The following DLG2 variants were observed in gnomAD, a reference collection of about 807,000 sequenced individuals.
DLG2 encodes the protein disks large homolog 2.
DLG2 carries 45 observed loss-of-function variants against 132.5 expected under a neutral mutation model. The observed-to-expected ratio is 0.34, with a 90% CI of 0.27 to 0.44. The LOEUF (loss-of-function observed/expected upper bound fraction) is 0.44, where lower values mean the gene tolerates loss of function less well. Ranked by LOEUF, DLG2 falls within the 20% of genes least tolerant of loss-of-function variation. The pLI is 1.00. For synonymous variants in DLG2, 424 were observed against 419.6 expected, an observed-to-expected ratio of 1.01 and a Z score of -0.13; for missense variants, 1,045 against 1,196.9, an observed-to-expected ratio of 0.87 and a Z score of 1.87.
chr11:84,111,697 G>T (rs1477037331), intron 9 of DLG2, among the ~76,000 whole-genome samples: 1 of 152,144 alleles, frequency 6.6e-6, no homozygotes, highest in Non-Finnish European at 1.5e-5. Context: ...GTTCAACATT[G>T]TGTCAAATTC....
Position 84,838,402 on chromosome 11 carries a change from G to GAA in DLG2, c.357+273257_357+273258dup, listed in dbSNP as rs5793141. On this transcript the variant is annotated intron_variant, in intron 6 of 27. Coordinates refer to ENST00000376104, the MANE Select transcript of DLG2 (RefSeq NM_001142699.3). ...GAAGCACAAGACAGATTGAATGACTGAAAAAAAAAAGGAGGATGCCATGTT... is the reference window on the plus strand; with the variant it reads ...GAAGCACAAGACAGATTGAATGACTGAAAAAAAAAAAAGGAGGATGCCATGTT... Among the ~76,000 whole-genome samples the GAA allele has an allele frequency of 9.0e-4, 134 of 148,800 alleles. 1 individual carries two copies. Among genetic ancestry groups the GAA allele is most frequent in the East Asian group, 6.4e-3 (32 of 4,978 alleles).
chr11:85,219,823 T>A (rs2082897235), intron 4 of DLG2, among the ~76,000 whole-genome samples: 1 of 151,398 alleles, frequency 6.6e-6, no homozygotes, highest in Non-Finnish European at 1.5e-5. Context: ...GAAATGCGAT[T>A]TCACCTAGTA....
chr11:84,319,467 C>T (rs2098390927), intron 7 of DLG2, among the ~76,000 whole-genome samples: 1 of 152,150 alleles, frequency 6.6e-6, no homozygotes. Flanking sequence ...CACAAGGGCC[C>T]ATTGGCATCT....
intron 7 of DLG2, among the ~76,000 whole-genome samples, chr11:84,485,690 C>G (rs2099148912): frequency 6.6e-6 from 1 of 152,156 alleles, no homozygotes; most frequent in African/African-American, 2.4e-5. Context: ...AATACATCAA[C>G]AGCAGAAACA....
At position 84,282,957 on chromosome 11, in the gene DLG2, A is replaced by C. The variant is rs563769039; in HGVS notation, c.520-31666T>G. Among the ~76,000 whole-genome samples the C allele has an allele frequency of 5.3e-5, 8 of 152,300 alleles. No homozygotes were observed. The East Asian group carries it at 1.5e-3, about 29-fold the overall frequency. ...AATCCCATTTTCCTCACAACTCAGC[A>C]CTTATAGGTATGGCCCTAAATTTAG... On this transcript the variant is annotated intron_variant, in intron 7 of 27. Coordinates refer to ENST00000376104, the MANE Select transcript of DLG2 (RefSeq NM_001142699.3).
At chr11:85,424,591 T>C (rs539988655) in intron 3 of DLG2, among the ~76,000 whole-genome samples, 2 of 152,346 alleles carry the variant, frequency 1.3e-5, no homozygotes, top group South Asian at 4.1e-4. Flanking sequence ...AGGCTGAAAG[T>C]ATCCAACTGA....
At chr11:83,658,303 C>T (rs669101) in intron 18 of DLG2, among the ~76,000 whole-genome samples, 122,430 of 152,156 alleles carry the variant, frequency 0.8, 50,113 homozygotes, top group East Asian at 1. Context: ...TTATTATTTC[C>T]AAAAAGTGCT....
intron 18 of DLG2, among the ~76,000 whole-genome samples, chr11:83,708,323 C>T (rs1264875599): frequency 2.0e-5 from 3 of 152,130 alleles, no homozygotes; most frequent in Admixed American, 1.3e-4. Flanking sequence ...AGATAAAAAA[C>T]AATGAGCCAT....
intron 4 of DLG2, among the ~76,000 whole-genome samples, chr11:85,185,869 G>A (rs929419634): frequency 6.6e-6 from 1 of 151,788 alleles, no homozygotes; most frequent in African/African-American, 2.4e-5. Flanking sequence ...GCCATGTAAG[G>A]TAGATATAAT....
chr11:85,519,323 A>G (rs2074089831), intron 3 of DLG2, among the ~76,000 whole-genome samples: 1 of 152,206 alleles, frequency 6.6e-6, no homozygotes, highest in African/African-American at 2.4e-5. Flanking sequence ...GATGCCCAGG[A>G]CCATAGGAAC....
chr11:84,641,196 T>C (rs1157076272), intron 6 of DLG2, among the ~76,000 whole-genome samples: 2 of 152,136 alleles, frequency 1.3e-5, no homozygotes, highest in Non-Finnish European at 2.9e-5. Context: ...GCCACACAGC[T>C]GCATATCCTT....
chr11:84,811,127 T>C (rs1333646409), intron 6 of DLG2, among the ~76,000 whole-genome samples: 1 of 152,186 alleles, frequency 6.6e-6, no homozygotes, highest in Admixed American at 6.5e-5. Flanking sequence ...TGTGAATGTA[T>C]AGGTATCTCA....
intron 9 of DLG2, among the ~76,000 whole-genome samples, chr11:84,116,824 T>C (rs78006363): frequency 0.018 from 2,808 of 152,330 alleles, 72 homozygotes; most frequent in African/African-American, 0.063. Flanking sequence ...AAATGAATGT[T>C]AGAGGGACAA....
intron 20 of DLG2, 139 bp downstream of exon 20, chr11:83,541,543 C>T: frequency 1.3e-6 from 1 of 797,022 alleles, no homozygotes; most frequent in Middle Eastern, 4.0e-4. Flanking sequence ...CCTGTCACCA[C>T]TGACAATTTT....
At chr11:85,068,330 G>C (rs1475620773) in intron 6 of DLG2, among the ~76,000 whole-genome samples, 1 of 152,046 alleles carries the variant, frequency 6.6e-6, no homozygotes, top group Non-Finnish European at 1.5e-5. Flanking sequence ...GAAATAAAGG[G>C]TATTCAATTA....
intron 11 of DLG2, among the ~76,000 whole-genome samples, chr11:84,014,141 G>A (rs888329402): frequency 1.3e-5 from 2 of 151,394 alleles, no homozygotes; most frequent in African/African-American, 4.8e-5. Context: ...TGTTAATTAT[G>A]TCAGCTGCTG....
chr11:85,298,037 C>A (rs1297349240), intron 3 of DLG2, among the ~76,000 whole-genome samples: 1 of 152,072 alleles, frequency 6.6e-6, no homozygotes, highest in Admixed American at 6.6e-5. Context: ...GTCTCCCATG[C>A]AGAGCAGTGA....
intron 19 of DLG2, among the ~76,000 whole-genome samples, chr11:83,588,653 G>A (rs987752254): frequency 6.6e-6 from 1 of 151,456 alleles, no homozygotes; most frequent in Admixed American, 6.6e-5. Flanking sequence ...TGACTTTGAC[G>A]AGCTGAGAGA....
chr11:84,066,971 T>A (rs985612819), intron 10 of DLG2, among the ~76,000 whole-genome samples: 11 of 152,170 alleles, frequency 7.2e-5, no homozygotes, highest in African/African-American at 2.7e-4. Context: ...ATGTGCTGTA[T>A]GAAGTGTAAA....
Sources: gnomAD v4.1 joint callset for allele counts (sites outside exome capture counted in the v4.1 genomes callset) on GRCh38, gnomAD v4.1.1 for gene constraint, MANE v1.5 for transcripts, NCBI Gene and HGNC (gene_info 2026-07-23, HGNC 2026-07-21) for gene names.